The following LRP1B variants were observed in gnomAD, a reference collection of about 807,000 sequenced individuals.
The protein encoded by LRP1B is LDL receptor related protein 1B.
A neutral mutation model predicts 556.6 loss-of-function variants in LRP1B; 217 were observed. The observed-to-expected ratio is 0.39, with a 90% CI of 0.35 to 0.44. The LOEUF is 0.44. Among genes scored for constraint, LRP1B ranks in the 20% least tolerant of loss-of-function variants. LRP1B has a pLI of 1.00. For missense variants in LRP1B, 5,053 were observed against 5,620.8 expected (o/e 0.90, Z 3.23); for synonymous variants, 2,047 against 1,865.8 (o/e 1.10, Z -2.50).
In LRP1B at chr2:140,501,822, G is replaced by T. The variant is rs994892677; in HGVS notation, c.8715C>A (p.Pro2905=). The T allele has an allele frequency of 1.2e-6, 2 of 1,611,306 alleles. No individual in the cohort carries two copies. The highest frequency in any genetic ancestry group is 8.5e-7 in the Non-Finnish European group (1 of 1,178,474). ...CCTTATTGTCGCAAAGACCTCCACTGGGAATGCACCTGCCATTTTTGCACA... is the reference window on the plus strand; with the variant it reads ...CCTTATTGTCGCAAAGACCTCCACTTGGAATGCACCTGCCATTTTTGCACA... ...FFMCKNGRCI[P]SGGLCDNKDD... The change falls in exon 55 of 91, where the codon CCC becomes CCA. Residue 2905 remains proline (P), a synonymous_variant. Transcript: ENST00000389484.
At chr2:140,751,191 C>T (rs888152715) in intron 35 of LRP1B, among the ~76,000 whole-genome samples, 1 of 152,054 alleles carries the variant, frequency 6.6e-6, no homozygotes, top group African/African-American at 2.4e-5. Flanking sequence ...CGGGGTTTCA[C>T]CATGTTGGCC....
intron 41 of LRP1B, among the ~76,000 whole-genome samples, chr2:140,678,889 T>C (rs2105373704): frequency 6.6e-6 from 1 of 151,808 alleles, no homozygotes; most frequent in Non-Finnish European, 1.5e-5. Flanking sequence ...GCGATTCACC[T>C]GCCTCAGCCT....
At position 142,115,517 on chromosome 2, in the gene LRP1B, C is replaced by CAT. The variant is rs1214410003; in HGVS notation, c.82+15129_82+15130dup. 2.1e-4 allele frequency among the ~76,000 whole-genome samples: 13 copies of CAT among 63,068 alleles called. 1 individual carries two copies. Among genetic ancestry groups the CAT allele is most frequent in the African/African-American group, 6.0e-4 (11 of 18,382 alleles). The allele number at this position is 63,068 out of a possible 152,430, so 41.4% of individuals were successfully genotyped here. The stretch of plus-strand genomic sequence containing the variant: ...TATATATAATATATATTATATATTA[C>CAT]ATATATAATATATATATTACATATG... On this transcript the variant is annotated intron_variant, in intron 1 of 90. Coordinates refer to ENST00000389484, the MANE Select transcript of LRP1B (RefSeq NM_018557.3).
intron 3 of LRP1B, among the ~76,000 whole-genome samples, chr2:141,298,502 T>C (rs1180027117): frequency 6.6e-6 from 1 of 152,116 alleles, no homozygotes; most frequent in Admixed American, 6.5e-5. Flanking sequence ...CAGGCGAGCT[T>C]CCTTGATTGG....
chr2:141,206,843 C>G (rs1173778527), intron 6 of LRP1B, among the ~76,000 whole-genome samples: 1 of 152,152 alleles, frequency 6.6e-6, no homozygotes, highest in Non-Finnish European at 1.5e-5. Context: ...AACTGGCAAG[C>G]ATGATTGTTG....
At chr2:141,997,960 C>T (rs550487919) in intron 1 of LRP1B, among the ~76,000 whole-genome samples, 136 of 152,130 alleles carry the variant, frequency 8.9e-4, no homozygotes, top group African/African-American at 2.8e-3. Flanking sequence ...GCTTTTGTAT[C>T]GCATTACCTG....
chr2:140,756,624 A>C (rs1254947233), intron 35 of LRP1B, among the ~76,000 whole-genome samples: 2 of 152,170 alleles, frequency 1.3e-5, no homozygotes, highest in Non-Finnish European at 2.9e-5. Flanking sequence ...GTAAATATCC[A>C]TATGCAAATC....
chr2:141,056,198 C>T (rs1202773466), intron 9 of LRP1B, among the ~76,000 whole-genome samples: 1 of 151,718 alleles, frequency 6.6e-6, no homozygotes, highest in Admixed American at 6.6e-5. Context: ...TTTTTTCCTG[C>T]CAAGAGTGTT....
rs535304233 is a variant in LRP1B, at chr2:141,373,558, C to T, written c.343+106838G>A. On this transcript the variant is annotated intron_variant, in intron 3 of 90. Coordinates refer to ENST00000389484, the MANE Select transcript of LRP1B (RefSeq NM_018557.3). ...GCATATATATTTAGAGTTGTTGTAT[C>T]CTTTTAATAAATTGATCCCTTTATC... 5.0e-4 allele frequency among the ~76,000 whole-genome samples: 76 copies of T among 151,598 alleles called. 1 individual carries two copies. The highest frequency in any genetic ancestry group is 1.3e-3 in the African/African-American group (54 of 41,432).
intron 2 of LRP1B, among the ~76,000 whole-genome samples, chr2:141,560,749 A>G (rs1320889333): frequency 6.6e-6 from 1 of 151,646 alleles, no homozygotes; most frequent in African/African-American, 2.4e-5. Flanking sequence ...GTTTTATAGA[A>G]AACTCCAACT....
In LRP1B at chr2:140,364,747, T is replaced by C. The variant is rs1558831306; in HGVS notation, c.11045A>G (p.Asn3682Ser). The C allele has an allele frequency of 1.2e-6, 2 of 1,610,020 alleles. No homozygotes were observed. The highest frequency in any genetic ancestry group is 1.1e-5 in the South Asian group (1 of 90,948). The change falls in exon 72 of 91, where the codon AAT becomes AGT. Residue 3682 changes from asparagine to serine, a missense_variant. Asn to Ser is a conservative substitution (Grantham distance 46). Transcript: ENST00000389484. The stretch of plus-strand genomic sequence containing the variant: ...GAAATGTAGTTTGCAGAGAGAATTA[T>C]TGCAAAGGAACTCATCAGCTCTACA... Reference protein sequence around the residue: ...NICRADEFLCNNSLCKLHFWV... With the variant: ...NICRADEFLCSNSLCKLHFWV...
intron 1 of LRP1B, among the ~76,000 whole-genome samples, chr2:142,127,409 T>C (rs1223417922): frequency 6.6e-6 from 1 of 151,926 alleles, no homozygotes; most frequent in Non-Finnish European, 1.5e-5. Flanking sequence ...CATCCATTCA[T>C]CTTTTTCCTA....
chr2:141,387,818 T>C (rs971971467), intron 3 of LRP1B, among the ~76,000 whole-genome samples: 3 of 152,160 alleles, frequency 2.0e-5, no homozygotes, highest in African/African-American at 7.2e-5. Flanking sequence ...CAATGAGATA[T>C]GTATTTCCTA....
chr2:140,348,844 T>C (rs1417029137), intron 77 of LRP1B, among the ~76,000 whole-genome samples: 1 of 152,108 alleles, frequency 6.6e-6, no homozygotes, highest in African/African-American at 2.4e-5. Flanking sequence ...TAATCTACAA[T>C]AAATTTTGTG....
At chr2:140,314,308 T>A (rs1470861660) in intron 83 of LRP1B, among the ~76,000 whole-genome samples, 1 of 152,058 alleles carries the variant, frequency 6.6e-6, no homozygotes, top group Non-Finnish European at 1.5e-5. Flanking sequence ...ACATTTTAAA[T>A]TTAATACAAG....
In LRP1B at chr2:141,115,715, C is replaced by T. The variant is rs548055618; in HGVS notation, c.1014-53442G>A. 5.9e-5 allele frequency among the ~76,000 whole-genome samples: 9 copies of T among 151,844 alleles called. No homozygotes were observed. In the South Asian group the frequency reaches 1.9e-3, roughly 32 times the overall value. ...GCCAGGACGGTCTCGATCTCCTGAC[C>T]TCATGATCCGCCCCTCTCGGACTCC... On this transcript the variant is annotated intron_variant, in intron 7 of 90. Coordinates refer to ENST00000389484, the MANE Select transcript of LRP1B (RefSeq NM_018557.3).
chr2:140,303,011 T>TCATATATATATATATATA (rs1683899439), intron 83 of LRP1B, among the ~76,000 whole-genome samples: 3 of 58,712 alleles, frequency 5.1e-5, no homozygotes, highest in African/African-American at 2.0e-4. Context: ...TAAATCTCCT[T>TCATATATATATATATATA]CATATATATA....
chr2:141,124,473 C>T (rs187028285), intron 7 of LRP1B, among the ~76,000 whole-genome samples: 100 of 152,080 alleles, frequency 6.6e-4, no homozygotes, highest in Non-Finnish European at 1.3e-3. Context: ...CATTCTACTT[C>T]TTGTCATTTT....
intron 41 of LRP1B, among the ~76,000 whole-genome samples, chr2:140,623,073 A>G (rs1338764364): frequency 6.6e-6 from 1 of 152,208 alleles, no homozygotes; most frequent in Non-Finnish European, 1.5e-5. Flanking sequence ...AAAAATGGAA[A>G]GAAGGCATTG....
Sources: gnomAD v4.1 joint callset for allele counts (sites outside exome capture counted in the v4.1 genomes callset) on GRCh38, gnomAD v4.1.1 for gene constraint, MANE v1.5 for transcripts, NCBI Gene and HGNC (gene_info 2026-07-23, HGNC 2026-07-21) for gene names.